DHRS4: variants seen among roughly 807,000 people sequenced by gnomAD.
DHRS4 encodes dehydrogenase/reductase 4, also known as dehydrogenase/reductase SDR family member 4.
In DHRS4, 20 loss-of-function variants were observed where a neutral mutation model predicts 28.4. The ratio of observed to expected loss-of-function variants is 0.71; its 90% confidence interval spans 0.50 to 1.02. DHRS4 has a LOEUF of 1.02. Among genes scored for constraint, DHRS4 ranks in the 50% least tolerant of loss-of-function variants. DHRS4 has a pLI of 0.00. For missense variants in DHRS4, 378 were observed against 367.2 expected (o/e 1.03, Z -0.24); for synonymous variants, 144 against 146.4 (o/e 0.98, Z 0.12).
At chr14:23,959,327 G>A (rs1594421363) in intron 2 of DHRS4, among the ~76,000 whole-genome samples, 1 of 152,200 alleles carries the variant, frequency 6.6e-6, no homozygotes, top group South Asian at 2.1e-4. Context: ...GGATACTGAG[G>A]CAGGTGGATG....
At chr14:23,955,708 C>G (rs1026564816) in intron 2 of DHRS4, among the ~76,000 whole-genome samples, 4 of 152,174 alleles carry the variant, frequency 2.6e-5, no homozygotes, top group African/African-American at 9.7e-5. Flanking sequence ...GACCCTGGCT[C>G]AGATAGCTGG....
intron 7 of DHRS4, 56 bp downstream of exon 7, chr14:23,967,322 C>A (rs1231137612): frequency 8.2e-6 from 13 of 1,576,750 alleles, no homozygotes; most frequent in East Asian, 2.3e-5. Context: ...AAGGTCTGGT[C>A]CCTAGCAGCC....
At chr14:23,954,892 G>A (rs949626890) in intron 1 of DHRS4, 143 bp from the exon 2 acceptor site, 1 of 1,414,598 alleles carries the variant, frequency 7.1e-7, no homozygotes, top group Non-Finnish European at 9.5e-7. Context: ...CATTAAGCCT[G>A]TTTTACACAT....
At chr14:23,960,405 T>G (rs2033369589) in intron 3 of DHRS4, among the ~76,000 whole-genome samples, 1 of 152,010 alleles carries the variant, frequency 6.6e-6, no homozygotes, top group Non-Finnish European at 1.5e-5. Flanking sequence ...TTTTACGAGT[T>G]GGGAAATATT....
chr14:23,964,498 T>TA (rs1343371660), intron 3 of DHRS4, among the ~76,000 whole-genome samples: 1 of 138,176 alleles, frequency 7.2e-6, no homozygotes, highest in African/African-American at 2.7e-5. Context: ...AGAAAATCCT[T>TA]ACTCTTTGGA....
Position 23,965,770 on chromosome 14 carries a change from C to T in DHRS4, c.417C>T (p.Asp139=), listed in dbSNP as rs1365065740. The change falls in exon 4 of 8, where the codon GAC becomes GAT. Residue 139 remains aspartate, a synonymous_variant. Coordinates refer to ENST00000313250, the MANE Select transcript of DHRS4 (RefSeq NM_021004.4). ...VTEEVWDKTL[D]INVKAPALMT... ...TCTTCTCTTGGCTTCAGACTCTGGA[C>T]ATTAATGTGAAGGCCCCAGCCCTGA... The T allele has an allele frequency of 6.2e-7, 1 of 1,602,892 alleles. No homozygotes were observed. The highest frequency in any genetic ancestry group is 8.5e-7 in the Non-Finnish European group (1 of 1,173,072).
At chr14:23,968,610 C>T (rs2138487685) in intron 7 of DHRS4, 147 bp from the exon 8 acceptor site, 1 of 1,303,566 alleles carries the variant, frequency 7.7e-7, no homozygotes, top group East Asian at 2.5e-5. Flanking sequence ...CGTGGTAACC[C>T]TATTTGATAG....
chr14:23,966,446 G>C (rs1456918136), intron 6 of DHRS4, 29 bp downstream of exon 6: 4 of 1,612,560 alleles, frequency 2.5e-6, no homozygotes, highest in Non-Finnish European at 3.4e-6. Flanking sequence ...GCATTTGACT[G>C]GGACCCCTTG....
Position 23,960,031 on chromosome 14 carries a change from G to A in DHRS4, c.408+28G>A, listed in dbSNP as rs766571056. On this transcript the variant is annotated intron_variant, in intron 3 of 7. Coordinates refer to ENST00000313250, the MANE Select transcript of DHRS4 (RefSeq NM_021004.4). ...GAGAGGGGATTAAAGCAGGGGGGCC[G>A]GGGGGGGCGCCTTGGAACACATTCA... 51 of 1,488,416 alleles carry A rather than the reference G, an allele frequency of 3.4e-5. 2 individuals carry two copies. The African/African-American group carries it at 5.6e-4, about 16-fold the overall frequency. 92.2% of individuals were successfully genotyped at this position (1,488,416 alleles called of 1,614,324 possible). A position where few individuals can be genotyped will look rare whatever the true frequency, so the allele number is the denominator to read the frequency against.
In DHRS4 at chr14:23,953,796, A is replaced by T. The variant is rs1127276; in HGVS notation, c.8A>T (p.Lys3Met). Residue 3 changes from lysine to methionine, a missense_variant, in exon 1 of 8, where the codon AAG becomes ATG. Physicochemically the swap from Lys to Met is moderately conservative, Grantham distance 95. Transcript: ENST00000313250. ...TACTTGCTGGTCTGATCCATGCACA[A>T]GGCGGGGCTGCTAGGCCTCTGTGCC... The part of the protein sequence containing the change: MH[K>M]AGLLGLCARA... The T allele has an allele frequency of 1.4e-5, 22 of 1,613,914 alleles. No homozygotes were observed. In the East Asian group the frequency reaches 3.8e-4, roughly 28 times the overall value.
intron 3 of DHRS4, among the ~76,000 whole-genome samples, chr14:23,960,766 G>C (rs2033386303): frequency 6.6e-6 from 1 of 152,030 alleles, no homozygotes; most frequent in African/African-American, 2.4e-5. Context: ...TGTTGTATTA[G>C]TCTGTTTTGC....
Position 23,969,032 on chromosome 14 carries a change from C to T in DHRS4, c.*161C>T, listed in dbSNP as rs1040381297. ...CCAGCCTTCCCTGCCGTCAAGGTGG[C>T]GTCTTACTCGGGATTTCTGCTGTTG... On this transcript the variant is annotated 3_prime_UTR_variant, in exon 8 of 8. Coordinates refer to ENST00000313250, the MANE Select transcript of DHRS4 (RefSeq NM_021004.4). The T allele has an allele frequency of 5.1e-5, 68 of 1,330,718 alleles. No individual in the cohort carries two copies. The highest frequency in any genetic ancestry group is 6.0e-5 in the Non-Finnish European group (60 of 1,002,294). 82.4% of individuals were successfully genotyped at this position (1,330,718 alleles called of 1,614,324 possible).
intron 2 of DHRS4, among the ~76,000 whole-genome samples, chr14:23,956,143 G>A (rs529410466): frequency 1.1e-4 from 17 of 152,298 alleles, no homozygotes; most frequent in Middle Eastern, 3.4e-3. Flanking sequence ...AATGTGCATT[G>A]GAAAGAGCCA....
At chr14:23,965,615 C>T (rs918796094) in intron 3 of DHRS4, 147 bp from the exon 4 acceptor site, 3 of 761,554 alleles carry the variant, frequency 3.9e-6, no homozygotes, top group Non-Finnish European at 6.4e-6. Flanking sequence ...AACCTCAGTT[C>T]CTTCATGTGT....
chr14:23,957,265 A>G (rs1488578657), intron 2 of DHRS4, among the ~76,000 whole-genome samples: 1 of 152,196 alleles, frequency 6.6e-6, no homozygotes, highest in African/African-American at 2.4e-5. Context: ...ATTGTCAGAG[A>G]GGAGAATGAT....
chr14:23,957,090 A>C (rs2138436633), intron 2 of DHRS4, among the ~76,000 whole-genome samples: 1 of 152,290 alleles, frequency 6.6e-6, no homozygotes, highest in East Asian at 1.9e-4. Context: ...CCAGGGCATC[A>C]GTGAGGAAGC....
chr14:23,965,903 G>C (rs972107432), intron 4 of DHRS4, 29 bp from the exon 5 acceptor site: 1 of 1,606,842 alleles, frequency 6.2e-7, no homozygotes, highest in African/African-American at 1.4e-5. Context: ...TCCACAATGG[G>C]AAGATGGTCA....
chr14:23,959,721 A>G (rs10140455), intron 2 of DHRS4, among the ~76,000 whole-genome samples, 181 bp from the exon 3 acceptor site: 85,381 of 149,452 alleles, frequency 0.57, 25,670 homozygotes, highest in East Asian at 0.77. Flanking sequence ...GTCTCGCTGC[A>G]TGGCCCAGGC....
At chr14:23,958,582 C>A (rs1187127763) in intron 2 of DHRS4, among the ~76,000 whole-genome samples, 1 of 152,166 alleles carries the variant, frequency 6.6e-6, no homozygotes, top group African/African-American at 2.4e-5. Flanking sequence ...TCAGTTTCTG[C>A]CTTGAATCTT....
Sources: allele counts gnomAD v4.1 joint callset (sites outside exome capture counted in the v4.1 genomes callset), GRCh38; gene constraint gnomAD v4.1.1; transcripts MANE v1.5; gene names NCBI Gene and HGNC (gene_info 2026-07-23, HGNC 2026-07-21).